Variants in CLOCK observed in about 807,000 individuals in gnomAD.
CLOCK encodes circadian locomoter output cycles protein kaput.
A neutral mutation model predicts 118.4 loss-of-function variants in CLOCK; 43 were observed. The observed-to-expected ratio is 0.36, with a 90% confidence interval of 0.28 to 0.47. The LOEUF (loss-of-function observed/expected upper bound fraction) is 0.47. Ranked by LOEUF, CLOCK falls within the 20% of genes least tolerant of loss-of-function variation. The pLI is 1.00. For missense variants in CLOCK, 846 were observed against 999.9 expected (o/e 0.85, Z 2.08); for synonymous variants, 326 against 339.2 (o/e 0.96, Z 0.43).
intron 1 of CLOCK, chr4:55,545,976 C>G (rs12505265): frequency 0.75 from 114,449 of 152,164 alleles, 43,373 homozygotes; most frequent in East Asian, 0.9. Context: ...CCGGAACCAC[C>G]ACCACTAACG....
Position 55,478,820 on chromosome 4 carries a change from T to A in CLOCK, c.251A>T (p.His84Leu), listed in dbSNP as rs749583232. 9.0e-5 allele frequency: 145 copies of A among 1,612,488 alleles called. No homozygotes were observed. Among genetic ancestry groups the A allele is most frequent in the Non-Finnish European group, 1.2e-4 (139 of 1,179,272 alleles). ...LQKSIDFLRK[H>L]KEITAQSDAS... ...TTACAGAGTTAAAAATTTACCTTTATGTTTTCGTAAAAAATCAATGCTTTT... is the reference window on the plus strand; with the variant it reads ...TTACAGAGTTAAAAATTTACCTTTAAGTTTTCGTAAAAAATCAATGCTTTT... Residue 84 changes from histidine to leucine, a missense_variant, in exon 6 of 23, where the codon CAT becomes CTT. His to Leu is a moderately conservative substitution (Grantham distance 99). Coordinates refer to ENST00000513440, the MANE Select transcript of CLOCK (RefSeq NM_004898.4).
intron 13 of CLOCK, among the ~76,000 whole-genome samples, chr4:55,454,614 A>C (rs1004657367): frequency 2.9e-4 from 6 of 20,994 alleles, no homozygotes; most frequent in East Asian, 1.4e-3. Flanking sequence ...ACTCCATCCC[A>C]AAAAAAAAAA....
intron 2 of CLOCK, among the ~76,000 whole-genome samples, chr4:55,498,517 A>C (rs559524462): frequency 6.6e-6 from 1 of 152,210 alleles, no homozygotes; most frequent in Non-Finnish European, 1.5e-5. Flanking sequence ...GCAATATATA[A>C]TTTATACATA....
In CLOCK at chr4:55,449,385, A is replaced by G. The variant is rs757587614; in HGVS notation, c.1449+11T>C. On this transcript the variant is annotated intron_variant, in intron 17 of 22. Transcript: ENST00000513440. ...ATCTTTATTCAGAAGAATATCCACT[A>G]AAGAGCTTACCTGACTACTAAATGA... The G allele has an allele frequency of 1.4e-5, 23 of 1,604,850 alleles. No homozygotes were observed. In the East Asian group the frequency reaches 3.1e-4, roughly 22 times the overall value.
chr4:55,448,899 G>T (rs745961676), intron 17 of CLOCK, 31 bp from the exon 18 acceptor site: 2 of 1,497,370 alleles, frequency 1.3e-6, no homozygotes, highest in Non-Finnish European at 1.9e-6. Flanking sequence ...ACACTGAAGT[G>T]ATTCTCATTC....
chr4:55,529,394 A>G lies in CLOCK; in HGVS notation c.-290+17388T>C, dbSNP rs995987522. The stretch of plus-strand genomic sequence containing the variant: ...AGGCTAGTCTCAAACTCCTAGCTTC[A>G]AGCAATCCTCCCACCTTAGCCTCCC... On this transcript the variant is annotated intron_variant, in intron 1 of 22. Transcript: ENST00000513440. 4.6e-5 allele frequency among the ~76,000 whole-genome samples: 7 copies of G among 152,264 alleles called. No individual in the cohort carries two copies. The South Asian group carries it at 6.2e-4, about 14-fold the overall frequency.
At chr4:55,437,227 A>C (rs1299029694) in intron 22 of CLOCK, among the ~76,000 whole-genome samples, 2 of 152,220 alleles carry the variant, frequency 1.3e-5, no homozygotes, top group African/African-American at 4.8e-5. Flanking sequence ...AAAGGGTGAC[A>C]AATTAAGACT....
At chr4:55,503,978 T>TAAAAAAAAAAAAAAAAAAA in intron 2 of CLOCK, among the ~76,000 whole-genome samples, 2 of 71,130 alleles carry the variant, frequency 2.8e-5, no homozygotes, top group Non-Finnish European at 5.1e-5. Context: ...CAAAAAGAGG[T>TAAAAAAAAAAAAAAAAAAA]AAAAAAAAAA....
intron 1 of CLOCK, among the ~76,000 whole-genome samples, chr4:55,539,444 T>C (rs1046851667): frequency 6.6e-6 from 1 of 151,730 alleles, no homozygotes; most frequent in Non-Finnish European, 1.5e-5. Flanking sequence ...CATGGTGGCA[T>C]GTGCCTGTGG....
At chr4:55,516,391 G>C (rs927825102) in intron 1 of CLOCK, among the ~76,000 whole-genome samples, 7 of 152,198 alleles carry the variant, frequency 4.6e-5, no homozygotes, top group African/African-American at 7.2e-5. Flanking sequence ...TAGCTGCACA[G>C]ATGTTTAGGA....
At chr4:55,465,516 G>A (rs1233489667) in intron 8 of CLOCK, among the ~76,000 whole-genome samples, 1 of 152,282 alleles carries the variant, frequency 6.6e-6, no homozygotes, top group African/African-American at 2.4e-5. Flanking sequence ...GTGTTTAACA[G>A]TTATTAGTAA....
chr4:55,526,076 C>T (rs1730166988), intron 1 of CLOCK, among the ~76,000 whole-genome samples: 1 of 152,120 alleles, frequency 6.6e-6, no homozygotes, highest in Admixed American at 6.6e-5. Context: ...GAAAAGTATA[C>T]TATAAATATT....
chr4:55,522,252 G>A (rs951785347), intron 1 of CLOCK, among the ~76,000 whole-genome samples: 1 of 151,948 alleles, frequency 6.6e-6, no homozygotes, highest in Non-Finnish European at 1.5e-5. Flanking sequence ...AGGAAAACAA[G>A]CCAAGCACAA....
chr4:55,538,452 A>G (rs533139400), intron 1 of CLOCK, among the ~76,000 whole-genome samples: 135 of 152,372 alleles, frequency 8.9e-4, no homozygotes, highest in Non-Finnish European at 1.6e-3. Flanking sequence ...ATGTAAAATT[A>G]AGAACACAAA....
At chr4:55,504,318 G>A (rs1728659449) in intron 2 of CLOCK, among the ~76,000 whole-genome samples, 1 of 147,428 alleles carries the variant, frequency 6.8e-6, no homozygotes, top group Non-Finnish European at 1.5e-5. Context: ...CACAACTTGA[G>A]GCTTCACATC....
At chr4:55,532,878 G>C (rs1730644255) in intron 1 of CLOCK, among the ~76,000 whole-genome samples, 1 of 151,996 alleles carries the variant, frequency 6.6e-6, no homozygotes, top group African/African-American at 2.4e-5. Context: ...CGGGGGGGTA[G>C]TGTGGATAAA....
At chr4:55,467,334 T>C (rs897268066) in intron 8 of CLOCK, among the ~76,000 whole-genome samples, 21 of 152,228 alleles carry the variant, frequency 1.4e-4, no homozygotes, top group African/African-American at 5.1e-4. Flanking sequence ...TCCAAGGAAC[T>C]AGCTAGCTCC....
intron 11 of CLOCK, 34 bp downstream of exon 11, chr4:55,458,858 A>G: frequency 6.7e-7 from 1 of 1,491,136 alleles, no homozygotes; most frequent in Non-Finnish European, 9.3e-7. Flanking sequence ...ATATGAACTG[A>G]AATCCCCTTT....
intron 22 of CLOCK, among the ~76,000 whole-genome samples, chr4:55,437,386 G>C (rs1351252124): frequency 6.6e-6 from 1 of 152,158 alleles, no homozygotes; most frequent in African/African-American, 2.4e-5. Flanking sequence ...GGCCAGAAGG[G>C]GAAAAGGTAG....
Sources: allele counts gnomAD v4.1 joint callset (sites outside exome capture counted in the v4.1 genomes callset), GRCh38; gene constraint gnomAD v4.1.1; transcripts MANE v1.5; gene names NCBI Gene and HGNC (gene_info 2026-07-23, HGNC 2026-07-21).